TRPM3: variants seen among roughly 807,000 people sequenced by gnomAD.
The protein encoded by TRPM3 is transient receptor potential cation channel subfamily M member 3.
TRPM3 carries 77 observed loss-of-function variants against 181.2 expected under a neutral mutation model. The observed-to-expected ratio is 0.42, with a 90% CI of 0.35 to 0.51. TRPM3 has a LOEUF of 0.51. Ranked by LOEUF, TRPM3 falls within the 20% of genes least tolerant of loss-of-function variation. TRPM3 has a pLI of 0.01. For missense variants in TRPM3, 1,759 were observed against 2,196.7 expected, an observed-to-expected ratio of 0.80 and a Z score of 3.98; for synonymous variants, 745 against 796.4, an observed-to-expected ratio of 0.94 and a Z score of 1.09.
At chr9:70,582,187 T>TGTGTGC (rs1554762614) in intron 22 of TRPM3, among the ~76,000 whole-genome samples, 2 of 146,788 alleles carry the variant, frequency 1.4e-5, no homozygotes, top group Non-Finnish European at 3.1e-5. Context: ...TGTGCGTGTG[T>TGTGTGC]GTGTGTGTGT....
rs375076448 is a variant in TRPM3, at chr9:70,537,228, C to T, written c.3885G>A (p.Ser1295=). The change falls in exon 26 of 26, where the codon TCG becomes TCA. Residue 1295 remains serine (S), a synonymous_variant. Coordinates refer to ENST00000677713, the MANE Select transcript of TRPM3 (RefSeq NM_001366145.2). ...LERAESNKIR[S]RTSSDCTDAA... is the part of the protein sequence containing the mutation. The stretch of plus-strand genomic sequence containing the variant: ...CGTCCGTGCAGTCTGACGAGGTCCT[C>T]GAGCGGATTTTGTTGGACTCGGCCC... 46 of 1,597,372 alleles carry T rather than the reference C, an allele frequency of 2.9e-5. No individual in the cohort carries two copies. The highest frequency in any genetic ancestry group is 3.4e-5 in the Non-Finnish European group (40 of 1,167,794).
rs780241182 is a variant in TRPM3, at chr9:70,530,868, CTG to C, written c.*5083_*5084del. On this transcript the variant is annotated 3_prime_UTR_variant, in exon 26 of 26. Coordinates refer to ENST00000677713, the MANE Select transcript of TRPM3 (RefSeq NM_001366145.2). ...ATTTTAGGAGCAGTCATTTTCAAAA[CTG>C]TGCAAATTGGCTCCTCTCTTTAACA... 59 of 152,306 alleles carry C rather than the reference CTG, an allele frequency of 3.9e-4. No individual in the cohort carries two copies. Among genetic ancestry groups the C allele is most frequent in the African/African-American group, 1.3e-3 (53 of 41,570 alleles). The allele number at this position is 152,306 out of a possible 1,614,324, so 9.4% of individuals were successfully genotyped here. A position where few individuals can be genotyped will look rare whatever the true frequency, so the allele number is the denominator to read the frequency against.
chr9:71,258,428 G>A (rs2082814647), intron 1 of TRPM3, among the ~76,000 whole-genome samples: 1 of 152,020 alleles, frequency 6.6e-6, no homozygotes, highest in South Asian at 2.1e-4. Flanking sequence ...TTTATTACAG[G>A]GAGTACAACC....
At chr9:70,862,524 G>C (rs1248010991) in intron 3 of TRPM3, among the ~76,000 whole-genome samples, 6 of 151,996 alleles carry the variant, frequency 3.9e-5, no homozygotes, top group African/African-American at 1.2e-4. Context: ...GAAGTCTAAA[G>C]AGCAACACAT....
chr9:70,799,242 C>A (rs2088166023), intron 6 of TRPM3, among the ~76,000 whole-genome samples: 1 of 152,106 alleles, frequency 6.6e-6, no homozygotes, highest in Non-Finnish European at 1.5e-5. Flanking sequence ...TTTCACAGCT[C>A]AAGTGCTGTA....
At chr9:71,078,245 A>C (rs1264463906) in intron 1 of TRPM3, among the ~76,000 whole-genome samples, 2 of 152,188 alleles carry the variant, frequency 1.3e-5, no homozygotes, top group Non-Finnish European at 2.9e-5. Flanking sequence ...AGATATGCTA[A>C]AAAATGAGAC....
chr9:71,009,691 T>C (rs1342815041), intron 1 of TRPM3, among the ~76,000 whole-genome samples: 4 of 152,056 alleles, frequency 2.6e-5, no homozygotes, highest in African/African-American at 9.7e-5. Context: ...GCAGTCTCTA[T>C]CAAAATATGA....
chr9:70,805,317 C>T (rs1046297400), intron 6 of TRPM3, among the ~76,000 whole-genome samples: 1 of 151,626 alleles, frequency 6.6e-6, no homozygotes, highest in East Asian at 1.9e-4. Flanking sequence ...CTTTACCTCA[C>T]GAGGTCAGGA....
At chr9:70,861,939 T>TGGGGGGGGGGGGGGG (rs1439743037) in intron 3 of TRPM3, among the ~76,000 whole-genome samples, 1 of 29,898 alleles carries the variant, frequency 3.3e-5, no homozygotes, top group Non-Finnish European at 6.4e-5. Context: ...GTGGCGGGGG[T>TGGGGGGGGGGGGGGG]GGGGGGCAGG....
At chr9:71,004,069 C>G (rs1489610409) in intron 1 of TRPM3, among the ~76,000 whole-genome samples, 1 of 152,216 alleles carries the variant, frequency 6.6e-6, no homozygotes, top group African/African-American at 2.4e-5. Flanking sequence ...ACCAGGAAGG[C>G]TGAACCATCT....
At chr9:71,279,264 T>C (rs1388377147) in intron 1 of TRPM3, among the ~76,000 whole-genome samples, 2 of 151,992 alleles carry the variant, frequency 1.3e-5, no homozygotes, top group Middle Eastern at 3.2e-3. Flanking sequence ...ATATCAACAG[T>C]TGCAGCCAGA....
chr9:71,353,232 G>T (rs368852470), intron 1 of TRPM3, among the ~76,000 whole-genome samples: 1 of 152,000 alleles, frequency 6.6e-6, no homozygotes, highest in African/African-American at 2.4e-5. Flanking sequence ...CATTTCTCAC[G>T]CTGTATTTTA....
In TRPM3 at chr9:71,083,889, T is replaced by C. The variant is rs148912791; in HGVS notation, c.177+37289A>G. Among the ~76,000 whole-genome samples, 1,050 of 152,040 alleles carry C rather than the reference T, an allele frequency of 6.9e-3. 5 individuals carry two copies. The highest frequency in any genetic ancestry group is 0.011 in the Non-Finnish European group (757 of 67,940). The stretch of plus-strand genomic sequence containing the variant: ...ATATGTATATATAGATACATATATA[T>C]AGTTTTTAACCAACTTTTTCTTCCA... On this transcript the variant is annotated intron_variant, in intron 1 of 25. Transcript: ENST00000677713.
intron 1 of TRPM3, among the ~76,000 whole-genome samples, chr9:71,246,419 A>G (rs1405293220): frequency 1.3e-5 from 2 of 152,358 alleles, no homozygotes; most frequent in African/African-American, 4.8e-5. Context: ...CACAAACTCA[A>G]TAAAATTATT....
chr9:71,429,573 A>G (rs2093925917), intron 1 of TRPM3, among the ~76,000 whole-genome samples: 1 of 152,214 alleles, frequency 6.6e-6, no homozygotes, highest in Admixed American at 6.5e-5. Context: ...CTGCAAATAC[A>G]CAGCTTCCAG....
intron 6 of TRPM3, among the ~76,000 whole-genome samples, chr9:70,817,199 G>C (rs757635004): frequency 7.9e-5 from 12 of 152,150 alleles, no homozygotes; most frequent in Non-Finnish European, 1.5e-5. Flanking sequence ...CTTTTAGTAA[G>C]GTGTTAGCAT....
intron 1 of TRPM3, among the ~76,000 whole-genome samples, chr9:71,265,637 T>C (rs963173052): frequency 1.3e-5 from 2 of 152,260 alleles, no homozygotes; most frequent in Non-Finnish European, 2.9e-5. Context: ...TTCAAGCCTA[T>C]GTTAATTGCT....
At chr9:71,121,637 C>T (rs979699609), upstream of TRPM3, 8 of 1,175,498 alleles carry the variant, frequency 6.8e-6, no homozygotes, top group Middle Eastern at 3.5e-4. Flanking sequence ...CTCCCTCTCC[C>T]GCTCTCCTCC....
At chr9:70,654,735 T>C (rs1051536913) in intron 9 of TRPM3, among the ~76,000 whole-genome samples, 2 of 148,922 alleles carry the variant, frequency 1.3e-5, no homozygotes, top group South Asian at 4.2e-4. Context: ...CAGGCTGGAG[T>C]GCAGTGGCGC....
Sources: gnomAD v4.1 joint callset for allele counts (sites outside exome capture counted in the v4.1 genomes callset) on GRCh38, gnomAD v4.1.1 for gene constraint, MANE v1.5 for transcripts, NCBI Gene and HGNC (gene_info 2026-07-23, HGNC 2026-07-21) for gene names.